The following CFAP97 variants were observed in gnomAD, a reference collection of about 807,000 sequenced individuals.
The protein encoded by CFAP97 is cilia- and flagella-associated protein 97.
CFAP97 carries 36 observed loss-of-function variants against 43.1 expected under a neutral mutation model. The ratio of observed to expected loss-of-function variants is 0.84; its 90% confidence interval spans 0.64 to 1.10. The LOEUF (loss-of-function observed/expected upper bound fraction) is 1.10, where lower values mean the gene tolerates loss of function less well. CFAP97 is among the 50% of genes least tolerant of loss of function. CFAP97 has a pLI of 0.00. For missense variants in CFAP97, 657 were observed against 620.3 expected, an observed-to-expected ratio of 1.06 and a Z score of -0.63; for synonymous variants, 228 against 225.7, an observed-to-expected ratio of 1.01 and a Z score of -0.09.
chr4:185,204,181 G>T (rs1331484298), upstream of CFAP97: 1 of 152,146 alleles, frequency 6.6e-6, no homozygotes, highest in Non-Finnish European at 1.5e-5. Flanking sequence ...TAGAAGAGCC[G>T]CGGAAGAAGG....
chr4:185,171,272 G>A (rs1263570987), intron 3 of CFAP97, among the ~76,000 whole-genome samples: 1 of 152,028 alleles, frequency 6.6e-6, no homozygotes, highest in Non-Finnish European at 1.5e-5. Flanking sequence ...GGCTGAGCTG[G>A]GAGGATCACT....
At chr4:185,174,415 G>A (rs1230379001) in intron 3 of CFAP97, among the ~76,000 whole-genome samples, 1 of 152,184 alleles carries the variant, frequency 6.6e-6, no homozygotes, top group East Asian at 1.9e-4. Context: ...CTCTTGAAGG[G>A]TTCAAGACTA....
intron 2 of CFAP97, among the ~76,000 whole-genome samples, chr4:185,186,540 T>C (rs1579251866): frequency 6.6e-6 from 1 of 152,202 alleles, no homozygotes; most frequent in Non-Finnish European, 1.5e-5. Flanking sequence ...ATTTTGCATA[T>C]GGCATATTTT....
intron 2 of CFAP97, chr4:185,182,538 C>G (rs537071924): frequency 1.3e-5 from 2 of 152,318 alleles, no homozygotes; most frequent in East Asian, 3.9e-4. Flanking sequence ...CCGAAGAACT[C>G]TGAAGTTAGA....
At chr4:185,173,311 C>T (rs1269944231) in intron 3 of CFAP97, among the ~76,000 whole-genome samples, 3 of 149,768 alleles carry the variant, frequency 2.0e-5, no homozygotes, top group Admixed American at 6.7e-5. Flanking sequence ...TACAGTGAGC[C>T]GAGATCACGT....
At chr4:185,201,909 C>A (rs1198127768) in intron 1 of CFAP97, among the ~76,000 whole-genome samples, 1 of 152,158 alleles carries the variant, frequency 6.6e-6, no homozygotes, top group Non-Finnish European at 1.5e-5. Context: ...TCTGGCCTAT[C>A]CACTTCTTTT....
chr4:185,191,407 T>C (rs1736250476), intron 1 of CFAP97, among the ~76,000 whole-genome samples, 195 bp from the exon 2 acceptor site: 1 of 152,128 alleles, frequency 6.6e-6, no homozygotes, highest in Non-Finnish European at 1.5e-5. Flanking sequence ...CTACCAATTA[T>C]CTGAAAAATA....
chr4:185,166,012 G>A (rs1039682740), intron 3 of CFAP97, among the ~76,000 whole-genome samples: 4 of 152,054 alleles, frequency 2.6e-5, no homozygotes, highest in Non-Finnish European at 4.4e-5. Flanking sequence ...ATGAAGAACC[G>A]GACAGAACCA....
chr4:185,193,371 G>A (rs144709967), intron 1 of CFAP97, among the ~76,000 whole-genome samples: 90 of 152,336 alleles, frequency 5.9e-4, no homozygotes, highest in African/African-American at 2.2e-3. Flanking sequence ...CAAAAGGCCA[G>A]GCACGGTGGC....
At chr4:185,182,293 T>C (rs183886524) in intron 2 of CFAP97, 1 of 152,214 alleles carries the variant, frequency 6.6e-6, no homozygotes, top group East Asian at 1.9e-4. Context: ...CCTCTCTGCC[T>C]ATTCAGGGAT....
chr4:185,176,055 C>T lies in CFAP97; in HGVS notation c.1055-4G>A. ...TTTTTATCTAATTGCAGAAAAGCTACAGAAAAGAACAAAAAAAAAAGAGAA... is the reference window on the plus strand; with the variant it reads ...TTTTTATCTAATTGCAGAAAAGCTATAGAAAAGAACAAAAAAAAAAGAGAA... On this transcript the variant is annotated splice_region_variant and splice_polypyrimidine_tract_variant and intron_variant, in intron 2 of 4. Coordinates refer to ENST00000458385, the MANE Select transcript of CFAP97 (RefSeq NM_020827.3). 7.0e-7 allele frequency: 1 copy of T among 1,419,146 alleles called. No individual in the cohort carries two copies. The highest frequency in any genetic ancestry group is 9.2e-7 in the Non-Finnish European group (1 of 1,081,602). 87.9% of individuals were successfully genotyped at this position (1,419,146 alleles called of 1,614,324 possible).
intron 2 of CFAP97, among the ~76,000 whole-genome samples, chr4:185,179,228 A>G (rs1735683708): frequency 6.6e-6 from 1 of 152,160 alleles, no homozygotes; most frequent in Non-Finnish European, 1.5e-5. Flanking sequence ...ATCTGTGGAA[A>G]GAGCGAATGC....
intron 1 of CFAP97, among the ~76,000 whole-genome samples, chr4:185,193,994 G>A (rs1736425735): frequency 6.6e-6 from 1 of 152,152 alleles, no homozygotes; most frequent in South Asian, 2.1e-4. Context: ...CTTAGATCAC[G>A]AGTCAGCAAA....
intron 2 of CFAP97, among the ~76,000 whole-genome samples, chr4:185,181,254 C>T (rs1339366677): frequency 2.8e-5 from 4 of 141,144 alleles, no homozygotes; most frequent in African/African-American, 5.4e-5. Flanking sequence ...AGCGAGACTC[C>T]GTCTCAAAAA....
At chr4:185,166,795 A>T (rs938598275) in intron 3 of CFAP97, among the ~76,000 whole-genome samples, 6 of 152,192 alleles carry the variant, frequency 3.9e-5, no homozygotes, top group Non-Finnish European at 8.8e-5. Flanking sequence ...CAAAAGCTAA[A>T]GGATTTGAGA....
At chr4:185,201,103 C>T (rs962128483) in intron 1 of CFAP97, among the ~76,000 whole-genome samples, 2 of 152,064 alleles carry the variant, frequency 1.3e-5, no homozygotes, top group Non-Finnish European at 2.9e-5. Context: ...GTGGGTGGAT[C>T]ACTTCAGGTC....
chr4:185,163,613 C>A (rs759048921), intron 4 of CFAP97, among the ~76,000 whole-genome samples: 1 of 151,886 alleles, frequency 6.6e-6, no homozygotes, highest in Non-Finnish European at 1.5e-5. Flanking sequence ...GTGTGATCAG[C>A]TTGCTAATTT....
At position 185,190,215 on chromosome 4, in the gene CFAP97, C is replaced by G. The variant is rs1579256060; in HGVS notation, c.982G>C (p.Asp328His). The change falls in exon 2 of 5, where the codon GAC (aspartate) becomes CAC (histidine). Residue 328 changes from aspartate (D) to histidine (H), a missense_variant. By Grantham distance (81) the Asp-to-His change is moderately conservative. Transcript: ENST00000458385. Reference sequence around the variant, plus strand: ...TTATGTCTGTGGTCTAAACTGGAGTCTAACACTGAAGACGACTTTGAGGAG... The same window carrying G: ...TTATGTCTGTGGTCTAAACTGGAGTGTAACACTGAAGACGACTTTGAGGAG... ...DVSSKSSSVL[D>H]SSLDHRHKQK... 5 of 1,613,414 alleles carry G rather than the reference C, an allele frequency of 3.1e-6. No homozygotes were observed. Among genetic ancestry groups the G allele is most frequent in the Middle Eastern group, 3.3e-4 (2 of 6,062 alleles).
chr4:185,169,660 C>G (rs1735215998), intron 3 of CFAP97: 1 of 985,294 alleles, frequency 1.0e-6, no homozygotes, highest in African/African-American at 1.7e-5. Flanking sequence ...CAAATGTAAA[C>G]AAATAAATGT....
Sources: gnomAD v4.1 joint callset for allele counts (sites outside exome capture counted in the v4.1 genomes callset) on GRCh38, gnomAD v4.1.1 for gene constraint, MANE v1.5 for transcripts, NCBI Gene and HGNC (gene_info 2026-07-23, HGNC 2026-07-21) for gene names.